Variants in NSUN6 observed in about 807,000 individuals in gnomAD.
NSUN6 encodes the protein tRNA (cytosine(72)-C(5))-methyltransferase NSUN6.
A neutral mutation model predicts 58.0 loss-of-function variants in NSUN6; 64 were observed. The observed-to-expected ratio is 1.10, with a 90% CI of 0.90 to 1.36. The LOEUF (loss-of-function observed/expected upper bound fraction) is 1.36, where lower values mean the gene tolerates loss of function less well. NSUN6 is among the 40% of genes most tolerant of loss of function. NSUN6 has a pLI of 0.00. For missense variants in NSUN6, 701 were observed against 550.1 expected (o/e 1.27, Z -2.74); for synonymous variants, 231 against 193.9 (o/e 1.19, Z -1.59).
At chr10:18,611,106 G>A (rs1448293844) in intron 5 of NSUN6, among the ~76,000 whole-genome samples, 1 of 151,930 alleles carries the variant, frequency 6.6e-6, no homozygotes, top group East Asian at 1.9e-4. Context: ...TGAAATGGAG[G>A]GATCCCTTGA....
chr10:18,595,819 A>G (rs2057563193), intron 7 of NSUN6, among the ~76,000 whole-genome samples: 1 of 152,176 alleles, frequency 6.6e-6, no homozygotes, highest in Non-Finnish European at 1.5e-5. Context: ...TTATACAACT[A>G]TGTTTATATA....
chr10:18,622,855 T>C lies in NSUN6; in HGVS notation c.312-6562A>G, dbSNP rs1257145471. Among the ~76,000 whole-genome samples, 6 of 152,380 alleles carry C rather than the reference T, an allele frequency of 3.9e-5. No homozygotes were observed. In the South Asian group the frequency reaches 6.2e-4, roughly 16 times the overall value. On this transcript the variant is annotated intron_variant, in intron 3 of 10. Coordinates refer to ENST00000377304, the MANE Select transcript of NSUN6 (RefSeq NM_182543.5). ...AATGTTCTAGCCTGCTTGAACTATT[T>C]TGAGACTTATCAAAAAGGGAGGAGC...
chr10:18,652,217 AT>A (rs1214297030), upstream of NSUN6: 126 of 979,162 alleles, frequency 1.3e-4, 2 homozygotes, highest in South Asian at 3.4e-3. Flanking sequence ...CCTCGCCATT[AT>A]TTTTTTTTCT....
chr10:18,570,499 A>C (rs2056285558), intron 8 of NSUN6, among the ~76,000 whole-genome samples: 1 of 132,784 alleles, frequency 7.5e-6, no homozygotes, highest in Non-Finnish European at 1.6e-5. Context: ...ATTCCATTCC[A>C]TCCTCCTTTC....
At chr10:18,574,919 G>A (rs1328253757) in intron 8 of NSUN6, among the ~76,000 whole-genome samples, 4 of 152,080 alleles carry the variant, frequency 2.6e-5, no homozygotes. Context: ...AAATAACCCA[G>A]CAGATCAGGT....
rs187656881 is a variant in NSUN6 at position 18,613,135 on chromosome 10, T to A, written c.575+1325A>T. On this transcript the variant is annotated intron_variant, in intron 5 of 10. Transcript: ENST00000377304. The stretch of plus-strand genomic sequence containing the variant: ...TTTTTTTGAAATTCTGAAGTCTCAC[T>A]GTGTCACCCAGGCTGGAGTGCAGTG... Among the ~76,000 whole-genome samples the A allele has an allele frequency of 3.0e-3, 460 of 152,256 alleles. 3 individuals carry two copies. Among genetic ancestry groups the A allele is most frequent in the African/African-American group, 0.011 (438 of 41,550 alleles).
At chr10:18,621,004 A>C (rs540992729) in intron 3 of NSUN6, among the ~76,000 whole-genome samples, 2 of 152,348 alleles carry the variant, frequency 1.3e-5, no homozygotes, top group East Asian at 3.9e-4. Context: ...ATCTTTGAAA[A>C]GCCTGCTTAC....
At chr10:18,634,415 T>C (rs1259851592) in intron 3 of NSUN6, among the ~76,000 whole-genome samples, 4 of 152,080 alleles carry the variant, frequency 2.6e-5, no homozygotes, top group Non-Finnish European at 4.4e-5. Flanking sequence ...TCCTATACTA[T>C]TGACAAGAGA....
At chr10:18,589,825 C>T (rs749372980) in intron 7 of NSUN6, among the ~76,000 whole-genome samples, 9 of 152,072 alleles carry the variant, frequency 5.9e-5, no homozygotes, top group Non-Finnish European at 8.8e-5. Flanking sequence ...TAAAGACCAA[C>T]GACACTATGA....
At chr10:18,548,082 T>C in intron 10 of NSUN6, 30 bp downstream of exon 10, 2 of 1,609,006 alleles carry the variant, frequency 1.2e-6, no homozygotes, top group Non-Finnish European at 8.5e-7. Flanking sequence ...ATTTATCTTA[T>C]TACACAGAGA....
intron 3 of NSUN6, among the ~76,000 whole-genome samples, chr10:18,636,122 T>A (rs1038268542): frequency 1.3e-5 from 2 of 151,866 alleles, no homozygotes; most frequent in African/African-American, 4.8e-5. Context: ...ACTTGTTGTA[T>A]AAACATAAAG....
intron 7 of NSUN6, among the ~76,000 whole-genome samples, chr10:18,587,198 T>C (rs2057189003): frequency 2.0e-5 from 3 of 152,164 alleles, no homozygotes; most frequent in Non-Finnish European, 2.9e-5. Context: ...AAATCACCAA[T>C]TTGATGTGCC....
chr10:18,604,638 C>T (rs1286333626), intron 6 of NSUN6, among the ~76,000 whole-genome samples: 3 of 152,050 alleles, frequency 2.0e-5, no homozygotes, highest in Non-Finnish European at 4.4e-5. Flanking sequence ...AATCCCAGCA[C>T]TTTGGGAGGT....
At chr10:18,556,828 A>C (rs568164597) in intron 8 of NSUN6, among the ~76,000 whole-genome samples, 1 of 151,132 alleles carries the variant, frequency 6.6e-6, no homozygotes, top group Non-Finnish European at 1.5e-5. Context: ...AGTGGAATGC[A>C]ATGGAGAATG....
At position 18,630,777 on chromosome 10, in the gene NSUN6, A is replaced by G. The variant is rs183421033; in HGVS notation, c.311+11699T>C. ...GGCAATAATCAATAGCTTACCCACC[A>G]AAGAGTCCAGTACCAGATGGATTCA... On this transcript the variant is annotated intron_variant, in intron 3 of 10. Transcript: ENST00000377304. Among the ~76,000 whole-genome samples the G allele has an allele frequency of 7.6e-3, 1,151 of 152,296 alleles. 8 individuals carry two copies. The highest frequency in any genetic ancestry group is 0.031 in the Middle Eastern group (9 of 294).
At chr10:18,627,552 G>C (rs548293669) in intron 3 of NSUN6, among the ~76,000 whole-genome samples, 1 of 152,136 alleles carries the variant, frequency 6.6e-6, no homozygotes, top group African/African-American at 2.4e-5. Flanking sequence ...CAGTGGGTGC[G>C]CGCACCGTGC....
intron 3 of NSUN6, among the ~76,000 whole-genome samples, chr10:18,637,210 C>A (rs1226508733): frequency 1.3e-5 from 2 of 152,010 alleles, no homozygotes; most frequent in African/African-American, 4.8e-5. Context: ...TGATCCACCC[C>A]CCTGGGCCTC....
At chr10:18,600,941 AATAT>A (rs1170475510) in intron 6 of NSUN6, among the ~76,000 whole-genome samples, 5 of 43,538 alleles carry the variant, frequency 1.1e-4, no homozygotes, top group African/African-American at 2.4e-4. Flanking sequence ...AAAAAAAAAA[AATAT>A]ATATATATAT....
intron 3 of NSUN6, among the ~76,000 whole-genome samples, chr10:18,623,837 G>C (rs12778035): frequency 0.21 from 31,886 of 152,016 alleles, 3,688 homozygotes; most frequent in South Asian, 0.31. Context: ...AGAGAGCCTC[G>C]GCTCTGCTCA....
Sources: allele counts gnomAD v4.1 joint callset (sites outside exome capture counted in the v4.1 genomes callset), GRCh38; gene constraint gnomAD v4.1.1; transcripts MANE v1.5; gene names NCBI Gene and HGNC (gene_info 2026-07-23, HGNC 2026-07-21).